The following ZNF618 variants were observed in gnomAD, a reference collection of about 807,000 sequenced individuals.
The protein encoded by ZNF618 is zinc finger protein 618.
In ZNF618, 34 loss-of-function variants were observed where a neutral mutation model predicts 103.0. The observed-to-expected ratio is 0.33, with a 90% CI of 0.25 to 0.44. The LOEUF (loss-of-function observed/expected upper bound fraction) is 0.44, where lower values mean the gene tolerates loss of function less well. ZNF618 is among the 20% of genes least tolerant of loss of function. The probability of loss-of-function intolerance (pLI) is 1.00; values close to 1 mark genes in which losing one functional copy is unlikely to be tolerated. For missense variants in ZNF618, 1,059 were observed against 1,295.4 expected, an observed-to-expected ratio of 0.82 and a Z score of 2.80; for synonymous variants, 551 against 542.2, an observed-to-expected ratio of 1.02 and a Z score of -0.23.
At chr9:113,914,923 GA>G (rs1831928510) in intron 1 of ZNF618, among the ~76,000 whole-genome samples, 2 of 152,168 alleles carry the variant, frequency 1.3e-5, no homozygotes, top group Non-Finnish European at 2.9e-5. Context: ...ACTGGCTCAT[GA>G]AACTTACCTG....
At chr9:114,040,321 G>C (rs960678650) in intron 13 of ZNF618, among the ~76,000 whole-genome samples, 1 of 150,014 alleles carries the variant, frequency 6.7e-6, no homozygotes, top group African/African-American at 2.4e-5. Flanking sequence ...AGTAAGAAAG[G>C]CTACTTGTTT....
At chr9:113,944,907 C>G (rs956686427) in intron 1 of ZNF618, among the ~76,000 whole-genome samples, 2 of 152,170 alleles carry the variant, frequency 1.3e-5, no homozygotes, top group African/African-American at 4.8e-5. Flanking sequence ...GGGCTAGTGG[C>G]AACCATGTTG....
rs529972218 is a variant in ZNF618, at chr9:114,051,160, G to A, written c.*993G>A. 4.6e-5 allele frequency: 7 copies of A among 152,572 alleles called. No homozygotes were observed. Among genetic ancestry groups the A allele is most frequent in the African/African-American group, 1.7e-4 (7 of 41,504 alleles). 9.5% of individuals were successfully genotyped at this position (152,572 alleles called of 1,614,324 possible). A position where few individuals can be genotyped will look rare whatever the true frequency, so the allele number is the denominator to read the frequency against. On this transcript the variant is annotated 3_prime_UTR_variant, in exon 15 of 15. Coordinates refer to ENST00000374126, the MANE Select transcript of ZNF618 (RefSeq NM_001318042.2). The stretch of plus-strand genomic sequence containing the variant: ...GAGGCACTGAATGTCTATAACTTAT[G>A]TTTTGGAGTTTTGTTTTTTTACTTG...
chr9:113,890,474 T>C (rs1325841633), intron 1 of ZNF618, among the ~76,000 whole-genome samples: 2 of 152,348 alleles, frequency 1.3e-5, no homozygotes, highest in South Asian at 4.1e-4. Flanking sequence ...TTTTACTGAC[T>C]ACATTGTGTT....
At chr9:113,878,958 A>G (rs1223731524) in intron 1 of ZNF618, among the ~76,000 whole-genome samples, 1 of 152,088 alleles carries the variant, frequency 6.6e-6, no homozygotes, top group Non-Finnish European at 1.5e-5. Context: ...TTTAGTAACG[A>G]AATCCTTCAG....
At chr9:113,883,495 T>G (rs1364348302) in intron 1 of ZNF618, among the ~76,000 whole-genome samples, 1 of 152,218 alleles carries the variant, frequency 6.6e-6, no homozygotes, top group African/African-American at 2.4e-5. Flanking sequence ...GGGGCCTGTT[T>G]GCAGAATATC....
Position 113,998,243 on chromosome 9 carries a change from T to G in ZNF618, c.338-16T>G, listed in dbSNP as rs756513674. On this transcript the variant is annotated splice_polypyrimidine_tract_variant and intron_variant, in intron 3 of 14. Coordinates refer to ENST00000374126, the MANE Select transcript of ZNF618 (RefSeq NM_001318042.2). Reference sequence around the variant, plus strand: ...TCCAACTTTAAGGGCTCTTTCTGATTTCTTACGTAATTCAGATGGAAAAGC... The same window carrying G: ...TCCAACTTTAAGGGCTCTTTCTGATGTCTTACGTAATTCAGATGGAAAAGC... 26 of 1,550,346 alleles carry G rather than the reference T, an allele frequency of 1.7e-5. No homozygotes were observed. The East Asian group carries it at 2.2e-4, about 13-fold the overall frequency.
chr9:114,021,089 TA>T (rs1194623238), intron 10 of ZNF618, among the ~76,000 whole-genome samples: 3 of 151,946 alleles, frequency 2.0e-5, no homozygotes, highest in Non-Finnish European at 4.4e-5. Flanking sequence ...TACATAGACT[TA>T]AAAAAAATTC....
intron 1 of ZNF618, among the ~76,000 whole-genome samples, chr9:113,924,850 T>C (rs1227505951): frequency 6.6e-6 from 1 of 152,056 alleles, no homozygotes; most frequent in African/African-American, 2.4e-5. Context: ...CTTTCTCTTA[T>C]TGATTTCTGG....
chr9:113,881,398 CAG>C (rs1254518741), intron 1 of ZNF618, among the ~76,000 whole-genome samples: 1 of 152,156 alleles, frequency 6.6e-6, no homozygotes, highest in Non-Finnish European at 1.5e-5. Flanking sequence ...AATTTTCTCA[CAG>C]TGTATTAAGG....
At chr9:113,903,275 T>C (rs1467353120) in intron 1 of ZNF618, among the ~76,000 whole-genome samples, 1 of 152,226 alleles carries the variant, frequency 6.6e-6, no homozygotes, top group Non-Finnish European at 1.5e-5. Flanking sequence ...AAAAGACCCC[T>C]TGACATTACT....
rs1846488516 is a variant in ZNF618 at position 114,056,306 on chromosome 9, A to T, written c.*6139A>T. The stretch of plus-strand genomic sequence containing the variant: ...AAAAAGATTTTTACAAAGTAATAAA[A>T]TTTAAAACTGAGCTGTTTAATGTTG... On this transcript the variant is annotated 3_prime_UTR_variant, in exon 15 of 15. Coordinates refer to ENST00000374126, the MANE Select transcript of ZNF618 (RefSeq NM_001318042.2). The T allele has an allele frequency of 1.3e-5, 2 of 152,248 alleles. No homozygotes were observed. Among genetic ancestry groups the T allele is most frequent in the Admixed American group, 1.3e-4 (2 of 15,286 alleles). 9.4% of individuals were successfully genotyped at this position (152,248 alleles called of 1,614,324 possible). A position where few individuals can be genotyped will look rare whatever the true frequency, so the allele number is the denominator to read the frequency against.
intron 1 of ZNF618, among the ~76,000 whole-genome samples, chr9:113,924,918 G>A (rs1056011596): frequency 7.2e-5 from 11 of 151,756 alleles, no homozygotes; most frequent in Non-Finnish European, 1.3e-4. Context: ...TTTTAATCTC[G>A]TTAGGGTGCT....
intron 12 of ZNF618, among the ~76,000 whole-genome samples, chr9:114,033,143 C>T (rs767102963): frequency 3.9e-5 from 6 of 152,198 alleles, no homozygotes; most frequent in Non-Finnish European, 7.3e-5. Context: ...GGCGCCGTGG[C>T]TCACACCTGT....
intron 12 of ZNF618, among the ~76,000 whole-genome samples, chr9:114,036,026 C>T (rs966476565): frequency 5.3e-5 from 8 of 152,314 alleles, no homozygotes; most frequent in African/African-American, 1.4e-4. Flanking sequence ...TCAAGTGCGC[C>T]GAACAGTGGC....
At chr9:113,973,687 T>C (rs913839944) in intron 2 of ZNF618, among the ~76,000 whole-genome samples, 1 of 152,146 alleles carries the variant, frequency 6.6e-6, no homozygotes, top group African/African-American at 2.4e-5. Flanking sequence ...GGGCCTTAAG[T>C]TTGGAAAATT....
chr9:113,968,803 A>G lies in ZNF618; in HGVS notation c.34-314A>G, dbSNP rs560909401. On this transcript the variant is annotated intron_variant, in intron 1 of 14. Transcript: ENST00000374126. ...CCCAGCTGAAAATAAAAATGGTGCA[A>G]TTCAATCTCAGATTTAGCTGGTTAC... Among the ~76,000 whole-genome samples, 3 of 152,230 alleles carry G rather than the reference A, an allele frequency of 2.0e-5. No homozygotes were observed. The South Asian group carries it at 6.2e-4, about 32-fold the overall frequency.
Position 113,990,349 on chromosome 9 carries a change from T to G in ZNF618, c.337+1769T>G, listed in dbSNP as rs745501526. Among the ~76,000 whole-genome samples, 66 of 152,192 alleles carry G rather than the reference T, an allele frequency of 4.3e-4. 1 individual carries two copies. Among genetic ancestry groups the G allele is most frequent in the Admixed American group, 1.0e-3 (16 of 15,278 alleles). ...TTGGGGCTCCAGGACCTGCCTGATTTATGTCTCCATGTTCCCTGCTTCCAC... is the reference window on the plus strand; with the variant it reads ...TTGGGGCTCCAGGACCTGCCTGATTGATGTCTCCATGTTCCCTGCTTCCAC... On this transcript the variant is annotated intron_variant, in intron 3 of 14. Transcript: ENST00000374126.
intron 1 of ZNF618, among the ~76,000 whole-genome samples, chr9:113,904,010 CT>C (rs35812879): frequency 0.017 from 2,403 of 139,538 alleles, 50 homozygotes; most frequent in African/African-American, 0.051. Context: ...TTCACCCCTC[CT>C]TTTTTTTTTT....
Sources: allele counts gnomAD v4.1 joint callset (sites outside exome capture counted in the v4.1 genomes callset), GRCh38; gene constraint gnomAD v4.1.1; transcripts MANE v1.5; gene names NCBI Gene and HGNC (gene_info 2026-07-23, HGNC 2026-07-21).